Variants in ZNFX1 observed in about 807,000 individuals in gnomAD.
The protein encoded by ZNFX1 is zinc finger NFX1-type containing 1, also known as NFX1-type zinc finger-containing protein 1.
A neutral mutation model predicts 179.8 loss-of-function variants in ZNFX1; 78 were observed. The observed-to-expected ratio is 0.43, with a 90% CI of 0.36 to 0.52. The LOEUF (loss-of-function observed/expected upper bound fraction) is 0.52, where lower values mean the gene tolerates loss of function less well. ZNFX1 is among the 20% of genes least tolerant of loss of function. The pLI, the probability that ZNFX1 is intolerant of heterozygous loss-of-function variation, is 0.00. For synonymous variants in ZNFX1, 848 were observed against 868.5 expected (o/e 0.98, Z 0.42); for missense variants, 1,927 against 2,386.6 (o/e 0.81, Z 4.01).
intron 3 of ZNFX1, 111 bp from the exon 4 acceptor site, chr20:49,266,377 A>C (rs1176536425): frequency 2.7e-6 from 3 of 1,094,192 alleles, no homozygotes; most frequent in Non-Finnish European, 3.8e-6. Context: ...GATAGTTTAA[A>C]ATCTAAGAAG....
chr20:49,249,965 A>G (rs1305042403), intron 13 of ZNFX1, among the ~76,000 whole-genome samples: 3 of 152,174 alleles, frequency 2.0e-5, no homozygotes, highest in Non-Finnish European at 4.4e-5. Context: ...TTAATATTTA[A>G]AAAAGCTGGC....
At chr20:49,274,098 T>C (rs1472693109) in intron 2 of ZNFX1, among the ~76,000 whole-genome samples, 2 of 152,244 alleles carry the variant, frequency 1.3e-5, no homozygotes, top group African/African-American at 4.8e-5. Context: ...ATTCCTTTAG[T>C]AGAGTGATGG....
At chr20:49,275,014 T>C (rs945537670) in intron 2 of ZNFX1, among the ~76,000 whole-genome samples, 11 of 151,124 alleles carry the variant, frequency 7.3e-5, no homozygotes, top group South Asian at 2.1e-4. Context: ...TCCCAGCTAC[T>C]TGGGAGGCTG....
At position 49,255,299 on chromosome 20, in the gene ZNFX1, T is replaced by A. The variant is rs1056908983; in HGVS notation, c.2804+509A>T. Among the ~76,000 whole-genome samples the A allele has an allele frequency of 5.3e-5, 8 of 152,114 alleles. No homozygotes were observed. The East Asian group carries it at 1.5e-3, about 29-fold the overall frequency. ...ACCTTGTGATCCGCCTGTCTCGGCC[T>A]CCCGAAGTGCTAGCATTAAAGGCGT... On this transcript the variant is annotated intron_variant, in intron 9 of 13. Coordinates refer to ENST00000396105, the MANE Select transcript of ZNFX1 (RefSeq NM_021035.3).
Position 49,271,190 on chromosome 20 carries a change from G to A in ZNFX1, c.622C>T (p.Leu208=). ...KMDRQSVLHV[L]GILKNSKFLK... ...AATTTGGAGTTTTTCAATATGCCCA[G>A]TACATGGAGAACACTCTGGCGATCC... is the stretch of plus-strand genomic sequence containing the variant. Residue 208 remains leucine, a synonymous_variant, in exon 3 of 14, where the codon CTG becomes TTG. Coordinates refer to ENST00000396105, the MANE Select transcript of ZNFX1 (RefSeq NM_021035.3). 6.2e-7 allele frequency: 1 copy of A among 1,614,156 alleles called. No individual in the cohort carries two copies. The highest frequency in any genetic ancestry group is 8.5e-7 in the Non-Finnish European group (1 of 1,180,020).
rs780979470 is a variant in ZNFX1, at chr20:49,248,755, C to G, written c.4269G>C (p.Leu1423=). The change falls in exon 14 of 14, where the codon CTG becomes CTC. Residue 1423 remains leucine (L), a synonymous_variant. Transcript: ENST00000396105. This position sits in a 1 kb window ranked among gnomAD's most constrained non-coding sequence, Gnocchi z 4.6. ...PVKCGHVEGL[L]YGGLLVKCTT... ...TACACTTGACTAGCAGACCACCATACAGGAGGCCTTCCACATGACCACATT... is the reference window on the plus strand; with the variant it reads ...TACACTTGACTAGCAGACCACCATAGAGGAGGCCTTCCACATGACCACATT... The G allele has an allele frequency of 2.0e-5, 32 of 1,613,748 alleles. No homozygotes were observed. The Admixed American group carries it at 4.8e-4, about 24-fold the overall frequency.
At chr20:49,266,915 A>T (rs1406608134) in intron 3 of ZNFX1, among the ~76,000 whole-genome samples, 1 of 152,034 alleles carries the variant, frequency 6.6e-6, no homozygotes, top group African/African-American at 2.4e-5. Context: ...TTTTTGTTTG[A>T]GATGGAGTTT....
chr20:49,275,920 C>A (rs1981545941), intron 1 of ZNFX1, 33 bp from the exon 2 acceptor site: 4 of 1,478,504 alleles, frequency 2.7e-6, no homozygotes, highest in Non-Finnish European at 3.8e-6. Flanking sequence ...GTCCTCGAAA[C>A]ATAGCATCTA....
At chr20:49,274,237 C>G (rs776195309) in intron 2 of ZNFX1, among the ~76,000 whole-genome samples, 1 of 151,860 alleles carries the variant, frequency 6.6e-6, no homozygotes, top group Admixed American at 6.6e-5. Flanking sequence ...GTAAAACACA[C>G]GAGATTTTGA....
At chr20:49,261,345 T>G (rs1981105891) in intron 6 of ZNFX1, among the ~76,000 whole-genome samples, 1 of 152,186 alleles carries the variant, frequency 6.6e-6, no homozygotes, top group African/African-American at 2.4e-5. Flanking sequence ...AAAGAAAACG[T>G]GGTACATATA....
intron 6 of ZNFX1, 44 bp from the exon 7 acceptor site, chr20:49,260,621 C>T (rs1981091279): frequency 2.9e-6 from 4 of 1,398,334 alleles, no homozygotes; most frequent in Non-Finnish European, 3.0e-6. Flanking sequence ...CTATGACAAC[C>T]AATGTGAAGG....
chr20:49,253,647 A>C lies in ZNFX1; in HGVS notation c.3105+19T>G, dbSNP rs199788266. On this transcript the variant is annotated intron_variant, in intron 11 of 13. Transcript: ENST00000396105. ...CCCACGGAGAGCCAGCCCATCTTCTAGGGGGACTCTCGTTTTACCTGCTGG... is the reference window on the plus strand; with the variant it reads ...CCCACGGAGAGCCAGCCCATCTTCTCGGGGGACTCTCGTTTTACCTGCTGG... 4 of 1,613,486 alleles carry C rather than the reference A, an allele frequency of 2.5e-6. No individual in the cohort carries two copies. The Admixed American group carries it at 6.7e-5, about 27-fold the overall frequency.
chr20:49,264,288 C>T (rs1472311607), intron 5 of ZNFX1, among the ~76,000 whole-genome samples: 2 of 152,184 alleles, frequency 1.3e-5, no homozygotes, highest in East Asian at 1.9e-4. Flanking sequence ...AGATGCTCAA[C>T]CTACACAACA....
intron 8 of ZNFX1, 102 bp downstream of exon 8, chr20:49,257,315 A>G: frequency 6.7e-7 from 1 of 1,492,596 alleles, no homozygotes; most frequent in Non-Finnish European, 9.1e-7. Context: ...ACAGGTACTT[A>G]GCTAATTGTA....
chr20:49,260,504 G>A lies in ZNFX1; in HGVS notation c.2375C>T (p.Ser792Phe), dbSNP rs200882032. 7.6e-5 allele frequency: 122 copies of A among 1,613,216 alleles called. No individual in the cohort carries two copies. The highest frequency in any genetic ancestry group is 7.6e-6 in the Non-Finnish European group (9 of 1,179,720). ...MLEWLGLGVG[S>F]FTQSVSPAGP... ...TGCTGGAGAAACACTTTGCGTGAAA[G>A]AACCGACACCAAGACCTAGCCACTC... Residue 792 changes from serine (S) to phenylalanine (F), a missense_variant, in exon 7 of 14, where the codon TCT becomes TTT. Coordinates refer to ENST00000396105, the MANE Select transcript of ZNFX1 (RefSeq NM_021035.3).
At chr20:49,257,381 T>C in intron 8 of ZNFX1, 36 bp downstream of exon 8, 1 of 1,612,108 alleles carries the variant, frequency 6.2e-7, no homozygotes, top group Non-Finnish European at 8.5e-7. Flanking sequence ...GTCAGAACAC[T>C]CTCAGGCCTG....
chr20:49,264,743 G>C lies in ZNFX1; in HGVS notation c.2124C>G (p.Pro708=), dbSNP rs748051904. ...TCATGTAGGCCCTTCGGAGGTGCAT[G>C]GGGAGGTTGCGGCGGAATTCCCGCT... is the stretch of plus-strand genomic sequence containing the variant. The part of the protein sequence containing the change: ...RNKREFRRNL[P]MHLRRAYMSI... Residue 708 remains proline (P), a synonymous_variant, in exon 5 of 14, where the codon CCC becomes CCG. Coordinates refer to ENST00000396105, the MANE Select transcript of ZNFX1 (RefSeq NM_021035.3). The C allele has an allele frequency of 3.1e-6, 5 of 1,614,158 alleles. No homozygotes were observed. The South Asian group carries it at 5.5e-5, about 18-fold the overall frequency.
intron 7 of ZNFX1, 85 bp downstream of exon 7, chr20:49,260,378 T>C (rs1981084556): frequency 1.2e-6 from 1 of 829,824 alleles, no homozygotes; most frequent in African/African-American, 1.7e-5. Flanking sequence ...TTATTTATTC[T>C]GGGAATTATT....
Position 49,266,276 on chromosome 20 carries a change from A to C in ZNFX1, c.1871-10T>G. 1 of 1,575,570 alleles carries C rather than the reference A, an allele frequency of 6.3e-7. No individual in the cohort carries two copies. Among genetic ancestry groups the C allele is most frequent in the Non-Finnish European group, 8.6e-7 (1 of 1,166,370 alleles). ...CCCACATAGGTTTTGCCTAGAAAAT[A>C]AGGAAAAAGGAATTTAACAATTTAG... On this transcript the variant is annotated splice_polypyrimidine_tract_variant and intron_variant, in intron 3 of 13. Transcript: ENST00000396105.
Sources: allele counts gnomAD v4.1 joint callset (sites outside exome capture counted in the v4.1 genomes callset), GRCh38; gene constraint gnomAD v4.1.1; non-coding constraint Gnocchi (gnomAD v3.1); transcripts MANE v1.5; gene names NCBI Gene and HGNC (gene_info 2026-07-23, HGNC 2026-07-21).